The following MAF variants were observed in gnomAD, a reference collection of about 807,000 sequenced individuals.
MAF encodes the protein MAF bZIP transcription factor.
Under a neutral mutation model 22.0 loss-of-function variants are expected in MAF, and 10 were observed. The ratio of observed to expected loss-of-function variants is 0.45; its 90% CI spans 0.28 to 0.77. The LOEUF is 0.77. MAF is among the 30% of genes least tolerant of loss of function. MAF has a pLI of 0.12. For missense variants in MAF, 544 were observed against 548.4 expected (o/e 0.99, Z 0.08); for synonymous variants, 337 against 255.8 (o/e 1.32, Z -3.03).
the MAF span, among the ~76,000 whole-genome samples, chr16:79,464,385 G>A: frequency 1.2e-4 from 18 of 152,246 alleles, 1 homozygote; most frequent in African/African-American, 4.3e-4. Flanking sequence ...TAGCCGTGAA[G>A]ACATAGAGAA....
At chr16:79,510,591 T>A in the MAF span, among the ~76,000 whole-genome samples, 2 of 152,106 alleles carry the variant, frequency 1.3e-5, no homozygotes, top group African/African-American at 2.4e-5. Context: ...AAAGGGACAA[T>A]GGAAAGCCAC....
At chr16:79,212,384 A>G in the MAF span, 1 of 486,104 alleles carries the variant, frequency 2.1e-6, no homozygotes, top group Non-Finnish European at 3.6e-6. Context: ...CAGAACTACC[A>G]GGTGGCAAAG....
the MAF span, among the ~76,000 whole-genome samples, chr16:79,335,249 G>A: frequency 6.6e-6 from 1 of 151,730 alleles, no homozygotes; most frequent in Non-Finnish European, 1.5e-5. Flanking sequence ...TCATATTTTG[G>A]GGGCTGTTGG....
the MAF span, among the ~76,000 whole-genome samples, chr16:79,210,719 G>C: frequency 6.6e-6 from 1 of 151,326 alleles, no homozygotes; most frequent in Non-Finnish European, 1.5e-5. Context: ...TTTTAATTAT[G>C]GCTTGCAAAG....
the MAF span, among the ~76,000 whole-genome samples, chr16:79,328,423 T>C: frequency 2.0e-5 from 3 of 152,134 alleles, no homozygotes; most frequent in Non-Finnish European, 2.9e-5. Flanking sequence ...AAAGGAGAAT[T>C]TGAAATCCCC....
At chr16:79,547,490 C>A in the MAF span, among the ~76,000 whole-genome samples, 1 of 151,930 alleles carries the variant, frequency 6.6e-6, no homozygotes, top group African/African-American at 2.4e-5. Flanking sequence ...ACACACACAG[C>A]CAACCCCTGA....
the MAF span, among the ~76,000 whole-genome samples, chr16:79,435,900 C>T: frequency 4.6e-5 from 7 of 152,152 alleles, no homozygotes; most frequent in Admixed American, 2.6e-4. Context: ...GCTTGGCCTT[C>T]AATTCACAGG....
chr16:79,381,806 C>G, the MAF span, among the ~76,000 whole-genome samples: 1 of 152,274 alleles, frequency 6.6e-6, no homozygotes, highest in South Asian at 2.1e-4. Context: ...CACATTGGCC[C>G]TGATTGGCTT....
the MAF span, among the ~76,000 whole-genome samples, chr16:79,360,799 C>T: frequency 6.6e-6 from 1 of 152,110 alleles, no homozygotes; most frequent in Non-Finnish European, 1.5e-5. Context: ...GCCTGCCCTA[C>T]AGATAGGATC....
the MAF span, among the ~76,000 whole-genome samples, chr16:79,323,089 G>T: frequency 7.3e-6 from 1 of 137,764 alleles, no homozygotes; most frequent in African/African-American, 2.7e-5. Context: ...GGCAGAGCTT[G>T]CAGTGAGTGG....
chr16:79,247,060 T>TA, the MAF span, among the ~76,000 whole-genome samples: 1 of 152,166 alleles, frequency 6.6e-6, no homozygotes, highest in Non-Finnish European at 1.5e-5. Context: ...AGTGCTGTGA[T>TA]AGAGTATAAT....
Position 79,585,927 on chromosome 16 carries a change from G to C in MAF, c.1133C>G (p.Ser378Cys), listed in dbSNP as rs536385086. The change falls in exon 2 of 2, where the codon TCC becomes TGC. Residue 378 changes from serine (S) to cysteine (C), a missense_variant. Ser to Cys is a moderately radical substitution (Grantham distance 112). Transcript: ENST00000569649. ...ATTTTTTCACATCACTGATGTAGAG[G>C]ATTCCCTTGGGTACCTGATTTAGTA... 3 of 685,464 alleles carry C rather than the reference G, an allele frequency of 4.4e-6. No individual in the cohort carries two copies. In the South Asian group the frequency reaches 4.7e-5, roughly 11 times the overall value. 42.5% of individuals were successfully genotyped at this position (685,464 alleles called of 1,614,324 possible).
the MAF span, among the ~76,000 whole-genome samples, chr16:79,264,921 C>G: frequency 1.3e-5 from 2 of 152,146 alleles, no homozygotes; most frequent in African/African-American, 2.4e-5. Context: ...CACTCAGAGA[C>G]TTGCAAAGTC....
chr16:79,462,479 A>G, the MAF span, among the ~76,000 whole-genome samples: 2 of 152,098 alleles, frequency 1.3e-5, no homozygotes, highest in African/African-American at 4.8e-5. Flanking sequence ...TACCCCACCT[A>G]ACAATTCCCT....
At chr16:79,538,183 A>C in the MAF span, among the ~76,000 whole-genome samples, 2 of 152,244 alleles carry the variant, frequency 1.3e-5, no homozygotes, top group Non-Finnish European at 2.9e-5. Flanking sequence ...TCATAAAACT[A>C]TAAAAAAGAG....
chr16:79,263,372 G>C, the MAF span, among the ~76,000 whole-genome samples: 1 of 152,160 alleles, frequency 6.6e-6, no homozygotes, highest in Non-Finnish European at 1.5e-5. Context: ...TGGAGGATAT[G>C]ATTTGATTTC....
the MAF span, among the ~76,000 whole-genome samples, chr16:79,537,315 A>G: frequency 6.6e-6 from 1 of 152,234 alleles, no homozygotes; most frequent in Admixed American, 6.5e-5. Flanking sequence ...TGAAAGCATC[A>G]TCATCATTAG....
chr16:79,364,054 CT>C, the MAF span, among the ~76,000 whole-genome samples: 1 of 152,128 alleles, frequency 6.6e-6, no homozygotes, highest in Non-Finnish European at 1.5e-5. Flanking sequence ...CACCCAGGAG[CT>C]GCTACTTTAA....
the MAF span, among the ~76,000 whole-genome samples, chr16:79,498,476 A>G: frequency 2.6e-5 from 4 of 152,244 alleles, no homozygotes; most frequent in Admixed American, 2.0e-4. Flanking sequence ...AGCAATGGGA[A>G]AACAGGCTTC....
Sources: allele counts gnomAD v4.1 joint callset (sites outside exome capture counted in the v4.1 genomes callset), GRCh38; gene constraint gnomAD v4.1.1; transcripts MANE v1.5; gene names NCBI Gene and HGNC (gene_info 2026-07-23, HGNC 2026-07-21).